Variants in DENND2C observed in about 807,000 individuals in gnomAD.
DENND2C encodes DENN domain-containing protein 2C.
In DENND2C, 72 loss-of-function variants were observed where a neutral mutation model predicts 112.4. The observed-to-expected ratio is 0.64, with a 90% CI of 0.53 to 0.78. DENND2C has a LOEUF of 0.78. Ranked by LOEUF, DENND2C falls within the 30% of genes least tolerant of loss-of-function variation. The pLI is 0.00. For synonymous variants in DENND2C, 329 were observed against 381.6 expected (o/e 0.86, Z 1.61); for missense variants, 992 against 1,113.8 (o/e 0.89, Z 1.56).
intron 8 of DENND2C, 114 bp from the exon 9 acceptor site, chr1:114,611,231 G>A: frequency 1.7e-6 from 2 of 1,173,594 alleles, no homozygotes; most frequent in Non-Finnish European, 2.5e-6. Flanking sequence ...TAATAAAGCT[G>A]CTGAGCCTTT....
At chr1:114,623,185 C>A (rs571021230) in intron 5 of DENND2C, 86 bp from the exon 6 acceptor site, 1 of 1,241,406 alleles carries the variant, frequency 8.1e-7, no homozygotes, top group African/African-American at 1.5e-5. Flanking sequence ...AAAAAGCTAA[C>A]TATGTTCAGC....
At chr1:114,656,391 T>C (rs1657328145) in intron 1 of DENND2C, among the ~76,000 whole-genome samples, 1 of 117,664 alleles carries the variant, frequency 8.5e-6, no homozygotes, top group African/African-American at 3.5e-5. Context: ...AACATTCTTT[T>C]TCTTTCTTTC....
chr1:114,620,360 T>G (rs779211757), intron 7 of DENND2C, among the ~76,000 whole-genome samples: 2 of 152,108 alleles, frequency 1.3e-5, no homozygotes, highest in African/African-American at 4.8e-5. Flanking sequence ...AAAAGTTAGA[T>G]CCTATCACCT....
chr1:114,631,092 A>G (rs1570789841), intron 3 of DENND2C, among the ~76,000 whole-genome samples: 1 of 152,232 alleles, frequency 6.6e-6, no homozygotes, highest in African/African-American at 2.4e-5. Context: ...AACATTTAAA[A>G]TGTCTGGGCA....
intron 3 of DENND2C, among the ~76,000 whole-genome samples, chr1:114,640,614 A>G (rs917893025): frequency 9.2e-5 from 14 of 152,220 alleles, no homozygotes; most frequent in Non-Finnish European, 1.8e-4. Flanking sequence ...ATTAAGGTCC[A>G]CTTCAGTGCT....
Position 114,585,479 on chromosome 1 carries a change from G to T in DENND2C, c.*121C>A. The T allele has an allele frequency of 1.9e-6, 2 of 1,035,756 alleles. No individual in the cohort carries two copies. The highest frequency in any genetic ancestry group is 1.4e-6 in the Non-Finnish European group (1 of 693,538). 64.2% of individuals were successfully genotyped at this position (1,035,756 alleles called of 1,614,324 possible). A position where few individuals can be genotyped will look rare whatever the true frequency, so the allele number is the denominator to read the frequency against. On this transcript the variant is annotated 3_prime_UTR_variant, in exon 21 of 21. Coordinates refer to ENST00000393274, the MANE Select transcript of DENND2C (RefSeq NM_001256404.2). ...GAATCCTCCTCTAACAGCCTGACTC[G>T]CTCTTTAACCTTTTAAAATTTCAAG... is the stretch of plus-strand genomic sequence containing the variant.
In DENND2C at chr1:114,648,390, C is replaced by A. The variant is rs545509107; in HGVS notation, c.-316-2831G>T. On this transcript the variant is annotated intron_variant, in intron 2 of 20. Transcript: ENST00000393274. ...TTCAGCAGGGCCTCAAAGGCCAAAA[C>A]CAAAACAATAGGAGTCGAATACCCC... Among the ~76,000 whole-genome samples the A allele has an allele frequency of 5.3e-5, 8 of 152,256 alleles. No homozygotes were observed. The East Asian group carries it at 1.3e-3, about 26-fold the overall frequency.
At chr1:114,610,914 G>A (rs1203854188) in intron 9 of DENND2C, among the ~76,000 whole-genome samples, 159 bp downstream of exon 9, 6 of 152,228 alleles carry the variant, frequency 3.9e-5, no homozygotes, top group Admixed American at 3.9e-4. Context: ...AATTCTGACT[G>A]TTTAATTCTC....
intron 6 of DENND2C, among the ~76,000 whole-genome samples, chr1:114,622,567 A>G (rs886784172): frequency 1.3e-5 from 2 of 152,222 alleles, no homozygotes; most frequent in Non-Finnish European, 2.9e-5. Flanking sequence ...TTTCTAATCC[A>G]AAGTTCCACT....
intron 3 of DENND2C, among the ~76,000 whole-genome samples, chr1:114,628,974 C>G (rs1377371318): frequency 6.6e-6 from 1 of 152,238 alleles, no homozygotes; most frequent in African/African-American, 2.4e-5. Flanking sequence ...CTAAAGCCAA[C>G]TTATTTGTAT....
intron 1 of DENND2C, among the ~76,000 whole-genome samples, chr1:114,666,299 C>G (rs528793959): frequency 4.9e-4 from 75 of 151,892 alleles, no homozygotes; most frequent in Non-Finnish European, 8.6e-4. Context: ...TCATCCAATT[C>G]AGCCTCCAAA....
chr1:114,640,972 T>C (rs1290338772), intron 3 of DENND2C, among the ~76,000 whole-genome samples: 2 of 152,204 alleles, frequency 1.3e-5, no homozygotes, highest in African/African-American at 2.4e-5. Flanking sequence ...TGCTTACTGA[T>C]TGCTATTATT....
intron 2 of DENND2C, among the ~76,000 whole-genome samples, chr1:114,645,994 T>C (rs28374963): frequency 0.2 from 30,825 of 151,866 alleles, 4,027 homozygotes; most frequent in Non-Finnish European, 0.3. Context: ...TGGCGCCGTT[T>C]TGGCTCACTG....
At chr1:114,608,300 T>C (rs1164941725) in intron 10 of DENND2C, among the ~76,000 whole-genome samples, 1 of 151,880 alleles carries the variant, frequency 6.6e-6, no homozygotes, top group East Asian at 1.9e-4. Context: ...GAAAAGTAAC[T>C]GCTTAAAGTC....
intron 2 of DENND2C, among the ~76,000 whole-genome samples, chr1:114,653,548 A>T (rs1006916028): frequency 1.3e-5 from 2 of 152,208 alleles, no homozygotes; most frequent in Non-Finnish European, 2.9e-5. Flanking sequence ...GTTATGCAAG[A>T]AATTGTCAAC....
intron 1 of DENND2C, among the ~76,000 whole-genome samples, chr1:114,659,916 G>A (rs76654043): frequency 0.014 from 2,138 of 151,456 alleles, 48 homozygotes; most frequent in African/African-American, 0.049. Context: ...TCAATCTCCC[G>A]GATAGCTAAG....
chr1:114,610,455 C>T (rs1655782035), intron 9 of DENND2C, among the ~76,000 whole-genome samples: 2 of 152,176 alleles, frequency 1.3e-5, no homozygotes, highest in Non-Finnish European at 2.9e-5. Flanking sequence ...AATCCCAGCA[C>T]TTTGGGAGGC....
At chr1:114,667,409 G>T (rs1657675681) in intron 1 of DENND2C, among the ~76,000 whole-genome samples, 1 of 152,116 alleles carries the variant, frequency 6.6e-6, no homozygotes, top group Non-Finnish European at 1.5e-5. Flanking sequence ...TTAATTTACA[G>T]TCTGAGAACA....
At chr1:114,599,730 A>G (rs2101647136) in intron 15 of DENND2C, among the ~76,000 whole-genome samples, 1 of 152,332 alleles carries the variant, frequency 6.6e-6, no homozygotes, top group African/African-American at 2.4e-5. Flanking sequence ...AGCAAAATGC[A>G]TTTAAAAGGG....
Sources: allele counts gnomAD v4.1 joint callset (sites outside exome capture counted in the v4.1 genomes callset), GRCh38; gene constraint gnomAD v4.1.1; transcripts MANE v1.5; gene names NCBI Gene and HGNC (gene_info 2026-07-23, HGNC 2026-07-21).